Variants in STK3 observed in about 807,000 individuals in gnomAD.
STK3 encodes the protein serine/threonine-protein kinase 3.
Under a neutral mutation model 58.0 loss-of-function variants are expected in STK3, and 41 were observed. That is an observed-to-expected ratio of 0.71 (90% CI 0.55 to 0.92). The LOEUF (loss-of-function observed/expected upper bound fraction) is 0.92. Ranked by LOEUF, STK3 falls within the 40% of genes least tolerant of loss-of-function variation. The pLI, the probability that STK3 is intolerant of heterozygous loss-of-function variation, is 0.00. For missense variants in STK3, 479 were observed against 602.7 expected, an observed-to-expected ratio of 0.79 and a Z score of 2.15; for synonymous variants, 170 against 191.0, an observed-to-expected ratio of 0.89 and a Z score of 0.91.
intron 4 of STK3, among the ~76,000 whole-genome samples, chr8:98,740,348 G>C (rs1748568209): frequency 1.3e-5 from 2 of 152,178 alleles, no homozygotes; most frequent in Admixed American, 1.3e-4. Flanking sequence ...CAGAGAGAAA[G>C]GTCGGGTTAC....
chr8:98,729,095 G>T (rs1207003764), intron 4 of STK3, among the ~76,000 whole-genome samples: 1 of 151,992 alleles, frequency 6.6e-6, no homozygotes, highest in East Asian at 1.9e-4. Flanking sequence ...TATTTATTTG[G>T]TTATTTGGTT....
intron 6 of STK3, among the ~76,000 whole-genome samples, chr8:98,702,781 T>C (rs1033207990): frequency 2.0e-5 from 3 of 152,150 alleles, no homozygotes; most frequent in African/African-American, 7.2e-5. Context: ...GAATCCTCAC[T>C]CCAATTAGGC....
chr8:98,838,561 A>G (rs891269858), intron 3 of STK3, among the ~76,000 whole-genome samples: 7 of 152,206 alleles, frequency 4.6e-5, no homozygotes, highest in Non-Finnish European at 1.0e-4. Flanking sequence ...CTTAGTAGAC[A>G]GAGAGAAGCT....
chr8:98,738,641 T>C (rs1227570154), intron 4 of STK3, among the ~76,000 whole-genome samples: 6 of 152,222 alleles, frequency 3.9e-5, no homozygotes, highest in Non-Finnish European at 8.8e-5. Context: ...AGCTCTGGTC[T>C]ACAGCTCCCA....
chr8:98,471,702 C>G (rs1350677530), intron 10 of STK3, among the ~76,000 whole-genome samples: 1 of 152,070 alleles, frequency 6.6e-6, no homozygotes, highest in Non-Finnish European at 1.5e-5. Flanking sequence ...CATCATATAC[C>G]TGGGACTGTC....
chr8:98,349,226 G>A, the STK3 span, among the ~76,000 whole-genome samples: 1 of 152,246 alleles, frequency 6.6e-6, no homozygotes, highest in African/African-American at 2.4e-5. Context: ...AAAAAGATCA[G>A]TGGTCATCAG....
chr8:98,511,824 T>A (rs928251838), intron 10 of STK3, among the ~76,000 whole-genome samples: 2 of 152,152 alleles, frequency 1.3e-5, no homozygotes, highest in African/African-American at 4.8e-5. Flanking sequence ...TTTCCTTAAA[T>A]TACAAAATAA....
chr8:98,892,469 A>G (rs1838233980), intron 1 of STK3, among the ~76,000 whole-genome samples: 1 of 152,110 alleles, frequency 6.6e-6, no homozygotes, highest in Non-Finnish European at 1.5e-5. Flanking sequence ...AGATTCGTTA[A>G]TGGGGTTTAC....
intron 1 of STK3, among the ~76,000 whole-genome samples, chr8:98,895,552 G>A (rs1487740334): frequency 6.6e-6 from 1 of 152,128 alleles, no homozygotes; most frequent in Non-Finnish European, 1.5e-5. Context: ...AAGGATGCAT[G>A]ATCTGTTTAG....
intron 9 of STK3, 143 bp downstream of exon 9, chr8:98,547,826 A>G (rs908536738): frequency 5.8e-5 from 36 of 619,000 alleles, no homozygotes; most frequent in Non-Finnish European, 8.5e-5. Context: ...GACTTGTGCC[A>G]TACTCTTTTT....
chr8:98,810,989 T>G (rs1186486650), intron 1 of STK3, among the ~76,000 whole-genome samples: 2 of 152,208 alleles, frequency 1.3e-5, no homozygotes, highest in African/African-American at 4.8e-5. Flanking sequence ...TCCTGAAGTG[T>G]CACCAGAAAC....
At chr8:98,876,348 G>A (rs1554694123) in intron 3 of STK3, among the ~76,000 whole-genome samples, 1 of 152,148 alleles carries the variant, frequency 6.6e-6, no homozygotes, top group Non-Finnish European at 1.5e-5. Flanking sequence ...TTGTTTTCAT[G>A]TTTTCTTACT....
At chr8:98,408,145 C>A (rs922701677) in intron 3 of STK3, among the ~76,000 whole-genome samples, 2 of 152,140 alleles carry the variant, frequency 1.3e-5, no homozygotes, top group East Asian at 1.9e-4. Context: ...AGTCACCCAG[C>A]CTTTAAGAAC....
At chr8:98,444,791 A>G (rs564306741) in intron 1 of STK3, among the ~76,000 whole-genome samples, 45 of 152,304 alleles carry the variant, frequency 3.0e-4, no homozygotes, top group African/African-American at 1.0e-3. Context: ...TAATTTGGGA[A>G]TCATTTGCAC....
At chr8:98,469,889 T>C (rs1820787542) in intron 10 of STK3, among the ~76,000 whole-genome samples, 3 of 152,194 alleles carry the variant, frequency 2.0e-5, no homozygotes, top group Admixed American at 1.3e-4. Flanking sequence ...TTCCAAAAAA[T>C]ATTAGTAACT....
intron 8 of STK3, among the ~76,000 whole-genome samples, chr8:98,557,228 C>T (rs1040794600): frequency 6.6e-6 from 1 of 151,856 alleles, no homozygotes; most frequent in South Asian, 2.1e-4. Flanking sequence ...TAACCTAGGT[C>T]GATAAATATA....
rs771891390 is a variant in STK3, at chr8:98,596,001, A to G, written c.822+31T>C. ...CAGAAAGCTGAAAGGTATGAAGAAA[A>G]TATCCTTCCCTTCGAGGCACAAGCA... On this transcript the variant is annotated intron_variant, in intron 7 of 10. Transcript: ENST00000419617. 12 of 1,599,806 alleles carry G rather than the reference A, an allele frequency of 7.5e-6. No homozygotes were observed. In the South Asian group the frequency reaches 1.2e-4, roughly 16 times the overall value.
intron 1 of STK3, among the ~76,000 whole-genome samples, chr8:98,809,585 A>C (rs1834094051): frequency 1.3e-5 from 2 of 152,174 alleles, no homozygotes; most frequent in Admixed American, 6.5e-5. Context: ...GGAATCATAC[A>C]AATTTGTCCT....
intron 3 of STK3, among the ~76,000 whole-genome samples, chr8:98,836,419 C>T (rs555929105): frequency 7.9e-4 from 121 of 152,334 alleles, no homozygotes; most frequent in South Asian, 3.7e-3. Flanking sequence ...GGGTAGCCCT[C>T]ATGACTTAAT....
Sources: allele counts gnomAD v4.1 joint callset (sites outside exome capture counted in the v4.1 genomes callset), GRCh38; gene constraint gnomAD v4.1.1; transcripts MANE v1.5; gene names NCBI Gene and HGNC (gene_info 2026-07-23, HGNC 2026-07-21).